The following RABGAP1L variants were observed in gnomAD, a reference collection of about 807,000 sequenced individuals.
RABGAP1L encodes rab GTPase-activating protein 1-like.
RABGAP1L carries 63 observed loss-of-function variants against 137.7 expected under a neutral mutation model. The observed-to-expected ratio is 0.46, with a 90% CI of 0.37 to 0.56. The LOEUF (loss-of-function observed/expected upper bound fraction) is 0.56. Among genes scored for constraint, RABGAP1L ranks in the 20% least tolerant of loss-of-function variants. The pLI, the probability that RABGAP1L is intolerant of heterozygous loss-of-function variation, is 0.00. For synonymous variants in RABGAP1L, 431 were observed against 433.7 expected (o/e 0.99, Z 0.08); for missense variants, 1,095 against 1,244.0 (o/e 0.88, Z 1.80).
intron 14 of RABGAP1L, among the ~76,000 whole-genome samples, chr1:174,649,630 T>C (rs1295474193): frequency 6.6e-6 from 1 of 152,016 alleles, no homozygotes; most frequent in African/African-American, 2.4e-5. Context: ...GATTTGGCTC[T>C]CTGTTTGTCT....
chr1:174,269,421 A>G (rs946361242), intron 7 of RABGAP1L, among the ~76,000 whole-genome samples: 9 of 152,244 alleles, frequency 5.9e-5, no homozygotes, highest in Non-Finnish European at 2.9e-5. Context: ...GTAAAAGACC[A>G]TATAGTTTTG....
At chr1:174,726,219 C>A (rs1484497836) in intron 17 of RABGAP1L, among the ~76,000 whole-genome samples, 1 of 151,902 alleles carries the variant, frequency 6.6e-6, no homozygotes, top group Non-Finnish European at 1.5e-5. Context: ...GAAATCTTTG[C>A]GGGGTTGGAG....
chr1:174,966,979 ATTCATTG>A (rs1669683709), intron 20 of RABGAP1L, among the ~76,000 whole-genome samples: 1 of 152,066 alleles, frequency 6.6e-6, no homozygotes, highest in African/African-American at 2.4e-5. Context: ...ACAAATATAT[ATTCATTG>A]TAGAAAACTT....
intron 13 of RABGAP1L, among the ~76,000 whole-genome samples, chr1:174,542,101 G>A (rs1490736353): frequency 1.3e-5 from 2 of 152,262 alleles, no homozygotes; most frequent in South Asian, 2.1e-4. Flanking sequence ...GATGATGCTG[G>A]CCTCATAAAA....
chr1:174,888,815 C>T (rs1305386049), intron 19 of RABGAP1L, among the ~76,000 whole-genome samples: 1 of 151,864 alleles, frequency 6.6e-6, no homozygotes, highest in African/African-American at 2.4e-5. Context: ...CTGTTTTTAC[C>T]ATTGTATTTC....
At position 174,568,987 on chromosome 1, in the gene RABGAP1L, T is replaced by C. The variant is rs1389597732; in HGVS notation, c.1711-68388T>C. The stretch of plus-strand genomic sequence containing the variant: ...CACTTTGCTAACCTCTCTATGTTGA[T>C]TACTACCATTTCATGTTCACAGTAA... On this transcript the variant is annotated intron_variant, in intron 13 of 25. Coordinates refer to ENST00000681986, the MANE Select transcript of RABGAP1L (RefSeq NM_001366446.1). 4.6e-5 allele frequency among the ~76,000 whole-genome samples: 7 copies of C among 152,210 alleles called. No individual in the cohort carries two copies. In the East Asian group the frequency reaches 1.3e-3, roughly 29 times the overall value.
intron 18 of RABGAP1L, among the ~76,000 whole-genome samples, chr1:174,794,843 G>T (rs1000452257): frequency 2.0e-5 from 3 of 152,110 alleles, no homozygotes; most frequent in South Asian, 4.1e-4. Flanking sequence ...AGGTCAGAAG[G>T]TGTTTCCTTT....
intron 19 of RABGAP1L, among the ~76,000 whole-genome samples, chr1:174,862,007 A>G (rs1384804278): frequency 2.0e-5 from 3 of 152,188 alleles, no homozygotes; most frequent in Non-Finnish European, 4.4e-5. Context: ...TGTGTCAAAA[A>G]ATCATTGCCA....
intron 19 of RABGAP1L, among the ~76,000 whole-genome samples, chr1:174,919,220 G>A (rs1283584985): frequency 6.6e-6 from 1 of 152,116 alleles, no homozygotes; most frequent in East Asian, 1.9e-4. Flanking sequence ...GTTTCTCCAT[G>A]TTGGTCAGGC....
At chr1:174,544,471 G>T (rs1011895239) in intron 13 of RABGAP1L, among the ~76,000 whole-genome samples, 3 of 152,052 alleles carry the variant, frequency 2.0e-5, no homozygotes, top group African/African-American at 7.2e-5. Context: ...TCTTGTCTAT[G>T]CTCTTTATTC....
At chr1:174,802,818 G>A (rs1688878096) in intron 18 of RABGAP1L, among the ~76,000 whole-genome samples, 1 of 152,162 alleles carries the variant, frequency 6.6e-6, no homozygotes, top group Non-Finnish European at 1.5e-5. Context: ...TGTGTACCAG[G>A]GGGAAATTGT....
intron 15 of RABGAP1L, among the ~76,000 whole-genome samples, chr1:174,686,993 T>G (rs950254098): frequency 6.6e-6 from 1 of 152,014 alleles, no homozygotes; most frequent in Non-Finnish European, 1.5e-5. Context: ...TAGTTTAGCA[T>G]TTTTTACCTG....
chr1:174,496,127 GA>G (rs1259393320), intron 13 of RABGAP1L, among the ~76,000 whole-genome samples: 2 of 152,038 alleles, frequency 1.3e-5, no homozygotes, highest in East Asian at 1.9e-4. Flanking sequence ...CTAAATTCTA[GA>G]AATTTCACAA....
chr1:174,702,121 A>G lies in RABGAP1L; in HGVS notation c.2034A>G (p.Leu678=), dbSNP rs752315042. 2.5e-6 allele frequency: 4 copies of G among 1,610,412 alleles called. No homozygotes were observed. The highest frequency in any genetic ancestry group is 3.4e-6 in the Non-Finnish European group (4 of 1,178,808). ...TCCACTTTGACTTTTAGGAACAGCT[A>G]CCGGACCTGCATAGCCATTTTTCTG... The part of the protein sequence containing the change: ...YQLERLMQEQ[L]PDLHSHFSDL... Residue 678 remains leucine (L), a synonymous_variant, in exon 17 of 26, where the codon CTA becomes CTG. Coordinates refer to ENST00000681986, the MANE Select transcript of RABGAP1L (RefSeq NM_001366446.1).
chr1:174,488,916 TC>T (rs1313838390), intron 13 of RABGAP1L, among the ~76,000 whole-genome samples: 1 of 42,308 alleles, frequency 2.4e-5, no homozygotes, highest in Non-Finnish European at 4.3e-5. Context: ...CCCTCCCCCC[TC>T]CCCCCACCCC....
intron 13 of RABGAP1L, among the ~76,000 whole-genome samples, chr1:174,563,543 G>T (rs1032432483): frequency 6.6e-6 from 1 of 152,020 alleles, no homozygotes; most frequent in Non-Finnish European, 1.5e-5. Flanking sequence ...ATAAATTAGC[G>T]TATGCAAAGC....
intron 14 of RABGAP1L, among the ~76,000 whole-genome samples, chr1:174,640,879 A>G (rs1437319053): frequency 1.3e-5 from 2 of 150,670 alleles, no homozygotes; most frequent in Non-Finnish European, 3.0e-5. Flanking sequence ...AGAAAGCTGC[A>G]TCTTCTTCAC....
intron 13 of RABGAP1L, among the ~76,000 whole-genome samples, chr1:174,629,844 G>A (rs1470381909): frequency 2.0e-5 from 3 of 152,086 alleles, no homozygotes; most frequent in South Asian, 2.1e-4. Context: ...ATTAAGTAAG[G>A]ACAAGGTGAT....
chr1:174,719,680 C>T (rs1397859713), intron 17 of RABGAP1L, among the ~76,000 whole-genome samples: 1 of 152,264 alleles, frequency 6.6e-6, no homozygotes, highest in African/African-American at 2.4e-5. Flanking sequence ...GGATGAACTG[C>T]AGAGTACATA....
Sources: gnomAD v4.1 joint callset for allele counts (sites outside exome capture counted in the v4.1 genomes callset) on GRCh38, gnomAD v4.1.1 for gene constraint, MANE v1.5 for transcripts, NCBI Gene and HGNC (gene_info 2026-07-23, HGNC 2026-07-21) for gene names.